The following ALK variants were observed in gnomAD, a reference collection of about 807,000 sequenced individuals.
ALK encodes ALK receptor tyrosine kinase.
A neutral mutation model predicts 163.1 loss-of-function variants in ALK; 74 were observed. The observed-to-expected ratio is 0.45, with a 90% CI of 0.38 to 0.55. The LOEUF (loss-of-function observed/expected upper bound fraction) is 0.55, where lower values mean the gene tolerates loss of function less well. Among genes scored for constraint, ALK ranks in the 20% least tolerant of loss-of-function variants. The pLI is 0.00. For synonymous variants in ALK, 960 were observed against 843.2 expected, an observed-to-expected ratio of 1.14 and a Z score of -2.40; for missense variants, 2,063 against 2,105.3, an observed-to-expected ratio of 0.98 and a Z score of 0.39.
At chr2:29,376,755 T>A (rs1668762348) in intron 5 of ALK, among the ~76,000 whole-genome samples, 1 of 152,218 alleles carries the variant, frequency 6.6e-6, no homozygotes, top group African/African-American at 2.4e-5. Flanking sequence ...CATGAAGTAA[T>A]CCCTCATTTA....
At chr2:29,562,437 T>C (rs1192497147) in intron 3 of ALK, among the ~76,000 whole-genome samples, 1 of 152,198 alleles carries the variant, frequency 6.6e-6, no homozygotes, top group African/African-American at 2.4e-5. Context: ...CCTGTAACCA[T>C]CTCTCAGCTC....
chr2:29,544,478 T>C (rs1396253627), intron 3 of ALK, among the ~76,000 whole-genome samples: 1 of 152,180 alleles, frequency 6.6e-6, no homozygotes, highest in East Asian at 1.9e-4. Flanking sequence ...TTTGTTACTG[T>C]GTATAATGTT....
intron 5 of ALK, among the ~76,000 whole-genome samples, chr2:29,352,567 T>C (rs1668145647): frequency 1.3e-5 from 2 of 152,178 alleles, no homozygotes; most frequent in African/African-American, 4.8e-5. Flanking sequence ...ACAGGCAACA[T>C]CCAATTATCT....
chr2:29,551,345 G>A (rs1321136336), intron 3 of ALK, among the ~76,000 whole-genome samples: 2 of 152,080 alleles, frequency 1.3e-5, no homozygotes, highest in Non-Finnish European at 2.9e-5. Flanking sequence ...AATAGGTGAG[G>A]ATTTTTAAAT....
chr2:29,632,925 A>T (rs1162244884), intron 3 of ALK, among the ~76,000 whole-genome samples: 1 of 152,178 alleles, frequency 6.6e-6, no homozygotes, highest in East Asian at 1.9e-4. Context: ...AACTGCTCCC[A>T]TGATTCAATT....
chr2:29,797,966 G>A (rs1664363501), intron 1 of ALK, among the ~76,000 whole-genome samples: 1 of 152,226 alleles, frequency 6.6e-6, no homozygotes, highest in East Asian at 1.9e-4. Flanking sequence ...AAGGCCACGG[G>A]GTGGTAAGCT....
chr2:29,543,079 T>G (rs6547943), intron 3 of ALK, among the ~76,000 whole-genome samples: 79,634 of 151,820 alleles, frequency 0.52, 21,357 homozygotes, highest in Non-Finnish European at 0.58. Flanking sequence ...ATAAATTTAT[T>G]TATGTGCAAA....
intron 1 of ALK, among the ~76,000 whole-genome samples, chr2:29,817,953 C>G (rs1664941365): frequency 6.6e-6 from 1 of 152,156 alleles, no homozygotes; most frequent in African/African-American, 2.4e-5. Flanking sequence ...AGCCAAAAAC[C>G]AAGCGCTTAT....
intron 11 of ALK, among the ~76,000 whole-genome samples, chr2:29,270,400 G>C (rs187776827): frequency 6.6e-6 from 1 of 152,330 alleles, no homozygotes; most frequent in African/African-American, 2.4e-5. Context: ...AGCAGTGCTT[G>C]GTGAATCGCA....
intron 16 of ALK, 126 bp downstream of exon 16, chr2:29,228,758 C>T (rs368937248): frequency 1.3e-5 from 9 of 692,856 alleles, no homozygotes; most frequent in Non-Finnish European, 2.1e-5. Flanking sequence ...GAGAGGGAGG[C>T]GTGCAGTCAC....
chr2:29,208,006 CAAT>C (rs1332736195), intron 25 of ALK: 6 of 443,220 alleles, frequency 1.4e-5, no homozygotes, highest in African/African-American at 1.0e-4. Context: ...TTAATTACCT[CAAT>C]AAATAAGTAC....
chr2:29,706,981 G>A (rs1420317593), intron 2 of ALK, among the ~76,000 whole-genome samples: 1 of 113,152 alleles, frequency 8.8e-6, no homozygotes, highest in Non-Finnish European at 1.7e-5. Context: ...CAGAATGTGT[G>A]TGTGTGTGTG....
At position 29,223,411 on chromosome 2, in the gene ALK, C is replaced by T. The variant is rs1669862005; in HGVS notation, c.3290G>A (p.Cys1097Tyr). 1 of 1,614,192 alleles carries T rather than the reference C, an allele frequency of 6.2e-7. No homozygotes were observed. Among genetic ancestry groups the T allele is most frequent in the Non-Finnish European group, 8.5e-7 (1 of 1,180,052 alleles). ...GATGGAGGAGGTCTTGCCAGCAAAG[C>T]AGTAGTTGGGGTTGTAGTCGGTCAT... ...TIMTDYNPNYCFAGKTSSISD... is the reference protein window; with the variant it reads ...TIMTDYNPNYYFAGKTSSISD... The change falls in exon 20 of 29, where the codon TGC (cysteine) becomes TAC (tyrosine). Residue 1097 changes from cysteine to tyrosine, a missense_variant. Physicochemically the swap from Cys to Tyr is radical, Grantham distance 194. This residue lies in a region of ALK where 575 missense variants were observed against 626.6 expected (regional missense o/e 0.92). Coordinates refer to ENST00000389048, the MANE Select transcript of ALK (RefSeq NM_004304.5).
At chr2:29,871,677 C>A (rs1402538885) in intron 1 of ALK, among the ~76,000 whole-genome samples, 2 of 152,158 alleles carry the variant, frequency 1.3e-5, no homozygotes, top group Admixed American at 1.3e-4. Flanking sequence ...ACAGTGGTTG[C>A]TACTAATATC....
chr2:29,582,321 T>C (rs189215387), intron 3 of ALK, among the ~76,000 whole-genome samples: 1 of 152,346 alleles, frequency 6.6e-6, no homozygotes. Flanking sequence ...AGAATGGGTA[T>C]CTCACTTCCT....
chr2:29,585,167 C>A (rs927787205), intron 3 of ALK, among the ~76,000 whole-genome samples: 5 of 151,932 alleles, frequency 3.3e-5, no homozygotes, highest in Non-Finnish European at 5.9e-5. Context: ...GTTTTAAACC[C>A]TATATTCTTT....
intron 4 of ALK, among the ~76,000 whole-genome samples, chr2:29,511,832 T>G (rs2148140968): frequency 6.6e-6 from 1 of 152,326 alleles, no homozygotes; most frequent in African/African-American, 2.4e-5. Flanking sequence ...TAATTTTAGC[T>G]ATTGTAATTT....
At chr2:29,724,023 T>G (rs776518641) in intron 1 of ALK, among the ~76,000 whole-genome samples, 27 of 152,246 alleles carry the variant, frequency 1.8e-4, no homozygotes, top group Non-Finnish European at 3.1e-4. Flanking sequence ...TCTCACTGCA[T>G]GTCTATTTAT....
At chr2:29,352,343 C>T (rs77413456) in intron 5 of ALK, among the ~76,000 whole-genome samples, 11,841 of 152,284 alleles carry the variant, frequency 0.078, 548 homozygotes, top group Non-Finnish European at 0.11. Flanking sequence ...TGTGTGGGGC[C>T]TGTAATACTT....
Sources: allele counts gnomAD v4.1 joint callset (sites outside exome capture counted in the v4.1 genomes callset), GRCh38; gene constraint gnomAD v4.1.1; regional missense constraint gnomAD v4.1.1; transcripts MANE v1.5; gene names NCBI Gene and HGNC (gene_info 2026-07-23, HGNC 2026-07-21).